The following KCNQ1 variants were observed in gnomAD, a reference collection of about 807,000 sequenced individuals.
KCNQ1 encodes the protein potassium voltage-gated channel subfamily KQT member 1.
A neutral mutation model predicts 72.4 loss-of-function variants in KCNQ1; 49 were observed. The ratio of observed to expected loss-of-function variants is 0.68; its 90% CI spans 0.54 to 0.86. KCNQ1 has a LOEUF of 0.86. Ranked by LOEUF, KCNQ1 falls within the 40% of genes least tolerant of loss-of-function variation. The probability of loss-of-function intolerance (pLI) is 0.00; values close to 1 mark genes in which losing one functional copy is unlikely to be tolerated. For missense variants in KCNQ1, 790 were observed against 945.1 expected (o/e 0.84, Z 2.15); for synonymous variants, 450 against 412.6 (o/e 1.09, Z -1.10).
Position 2,734,116 on chromosome 11 carries a change from A to G in KCNQ1, c.1515-34728A>G, listed in dbSNP as rs422314. 0.56 allele frequency among the ~76,000 whole-genome samples: 84,992 copies of G among 151,948 alleles called. 24,411 individuals are homozygous for G. The highest frequency in any genetic ancestry group is 0.69 in the African/African-American group (28,485 of 41,432). On this transcript the variant is annotated intron_variant, in intron 11 of 15. Transcript: ENST00000155840. The surrounding 1 kb of genome is among the most constrained non-coding windows in gnomAD (Gnocchi z 7.0). ...AGGCACAGTTTCAAGCTTGTCTAGC[A>G]CTGGCAGGGGTGGTCCTGCTCCGGC...
Position 2,626,177 on chromosome 11 carries a change from AG to A in KCNQ1, c.1394-35783del, listed in dbSNP as rs2133810192. The A allele has an allele frequency of 2.5e-6, 1 of 398,598 alleles. No individual in the cohort carries two copies. Among genetic ancestry groups the A allele is most frequent in the South Asian group, 1.3e-4 (1 of 7,856 alleles). 24.7% of individuals were successfully genotyped at this position (398,598 alleles called of 1,614,324 possible). A position where few individuals can be genotyped will look rare whatever the true frequency, so the allele number is the denominator to read the frequency against. On this transcript the variant is annotated intron_variant, in intron 10 of 15. Transcript: ENST00000155840. The surrounding 1 kb of genome is among the most constrained non-coding windows in gnomAD (Gnocchi z 4.0). ...AGTTTTTCCCCTATGTTTCCTTATA[AG>A]ACTTCATAGTTTTAGGACTTTGACC...
chr11:2,683,906 G>A lies in KCNQ1; in HGVS notation c.1514+21825G>A, dbSNP rs117916938. The A allele has an allele frequency of 6.1e-4, 242 of 396,916 alleles. 2 individuals are homozygous for A. The East Asian group carries it at 8.2e-3, about 14-fold the overall frequency. 24.6% of individuals were successfully genotyped at this position (396,916 alleles called of 1,614,324 possible). A position where few individuals can be genotyped will look rare whatever the true frequency, so the allele number is the denominator to read the frequency against. On this transcript the variant is annotated intron_variant, in intron 11 of 15. Coordinates refer to ENST00000155840, the MANE Select transcript of KCNQ1 (RefSeq NM_000218.3). The surrounding 1 kb of genome is among the most constrained non-coding windows in gnomAD (Gnocchi z 4.7). ...TCATAAATGCAAAAGATGGCCAAAG[G>A]TGCATGCTCTGTGACACGTTTCATA...
At chr11:2,487,694 T>C (rs759636169) in intron 1 of KCNQ1, among the ~76,000 whole-genome samples, 69 of 152,210 alleles carry the variant, frequency 4.5e-4, no homozygotes, top group Non-Finnish European at 7.1e-4. Context: ...GAAATGCAAC[T>C]GATTTTGCAT....
chr11:2,521,957 G>A (rs754990534), intron 1 of KCNQ1, among the ~76,000 whole-genome samples: 4 of 152,228 alleles, frequency 2.6e-5, no homozygotes, highest in Admixed American at 6.5e-5. Context: ...GCCCACCCAG[G>A]CCCGCTGCCT....
rs146271481 is a variant in KCNQ1 at position 2,490,572 on chromosome 11, G to A, written c.387-37356G>A. Among the ~76,000 whole-genome samples the A allele has an allele frequency of 1.6e-3, 242 of 152,344 alleles. 3 individuals are homozygous for A. The highest frequency in any genetic ancestry group is 5.7e-3 in the African/African-American group (235 of 41,582). ...TCCTCCCCAAGCTTCAGGTGGCTTA[G>A]CATAGAGAGAGAGTCCATTTCTTTG... On this transcript the variant is annotated intron_variant, in intron 1 of 15. Coordinates refer to ENST00000155840, the MANE Select transcript of KCNQ1 (RefSeq NM_000218.3).
chr11:2,845,649 G>A (rs1471606271), intron 15 of KCNQ1, among the ~76,000 whole-genome samples: 1 of 152,230 alleles, frequency 6.6e-6, no homozygotes, highest in Admixed American at 6.5e-5. Flanking sequence ...GTTCAGGACA[G>A]TTGGGTCTCA....
intron 11 of KCNQ1, among the ~76,000 whole-genome samples, chr11:2,702,083 TCCTC>T (rs1850825028): frequency 6.6e-6 from 1 of 152,222 alleles, no homozygotes. Context: ...TCCTCAGCCT[TCCTC>T]AGGAGGCCAG....
intron 10 of KCNQ1, chr11:2,628,321 T>C (rs1176671996): frequency 1.0e-5 from 4 of 398,606 alleles, no homozygotes; most frequent in East Asian, 3.6e-5. Flanking sequence ...TTTTTGATAA[T>C]AGCGATTCTA....
At chr11:2,738,659 C>T (rs1008585933) in intron 11 of KCNQ1, among the ~76,000 whole-genome samples, 6 of 152,284 alleles carry the variant, frequency 3.9e-5, no homozygotes, top group Admixed American at 2.6e-4. Flanking sequence ...GGGGCCTGTG[C>T]GGTTCCTGGG....
chr11:2,696,361 TC>T, intron 11 of KCNQ1: 1 of 398,652 alleles, frequency 2.5e-6, no homozygotes. Context: ...TTCTGAACAG[TC>T]CCCACTGATA....
intron 1 of KCNQ1, among the ~76,000 whole-genome samples, chr11:2,499,532 A>G (rs11023071): frequency 2.1e-5 from 3 of 140,882 alleles, no homozygotes; most frequent in Non-Finnish European, 4.7e-5. Context: ...CCCTGCCCCC[A>G]CAAAAAAAGA....
intron 10 of KCNQ1, chr11:2,625,893 T>A (rs768722659): frequency 2.5e-6 from 1 of 398,632 alleles, no homozygotes. Context: ...TCAGGTGCAT[T>A]GTTTTTTGGT....
chr11:2,846,814 T>C (rs1258548412), intron 15 of KCNQ1, among the ~76,000 whole-genome samples: 2 of 152,260 alleles, frequency 1.3e-5, no homozygotes, highest in Non-Finnish European at 2.9e-5. Context: ...CTCTGCTGCC[T>C]CCGCAGCACT....
In KCNQ1 at chr11:2,617,210, C is replaced by T. The variant is rs1849081999; in HGVS notation, c.1393+28356C>T. The T allele has an allele frequency of 1.0e-5, 4 of 398,186 alleles. No homozygotes were observed. Among genetic ancestry groups the T allele is most frequent in the African/African-American group, 4.1e-5 (2 of 48,578 alleles). 24.7% of individuals were successfully genotyped at this position (398,186 alleles called of 1,614,324 possible). A position where few individuals can be genotyped will look rare whatever the true frequency, so the allele number is the denominator to read the frequency against. ...ATATCTGCTACTTGGTATCCTTTGA[C>T]CTACATCTTTCCATTTTCTTCCCCC... is the stretch of plus-strand genomic sequence containing the variant. On this transcript the variant is annotated intron_variant, in intron 10 of 15. Coordinates refer to ENST00000155840, the MANE Select transcript of KCNQ1 (RefSeq NM_000218.3). This position sits in a 1 kb window ranked among gnomAD's most constrained non-coding sequence, Gnocchi z 4.6.
chr11:2,445,848 GGT>G, intron 1 of KCNQ1, among the ~76,000 whole-genome samples: 1 of 152,174 alleles, frequency 6.6e-6, no homozygotes, highest in African/African-American at 2.4e-5. Flanking sequence ...AACTCCTCAA[GGT>G]CGGCTGAGAC....
intron 2 of KCNQ1, among the ~76,000 whole-genome samples, chr11:2,560,942 C>T (rs1848155072): frequency 6.6e-6 from 1 of 151,982 alleles, no homozygotes; most frequent in Admixed American, 6.5e-5. Flanking sequence ...AACTCCCAGG[C>T]CTGTAATCCC....
intron 2 of KCNQ1, among the ~76,000 whole-genome samples, chr11:2,555,918 C>G (rs1453679482): frequency 6.6e-5 from 10 of 152,180 alleles, no homozygotes; most frequent in African/African-American, 2.4e-4. Context: ...AGCTTCAGGC[C>G]CTGAGGCCTA....
chr11:2,803,481 T>C lies in KCNQ1; in HGVS notation c.1794+25444T>C, dbSNP rs1404843953. Among the ~76,000 whole-genome samples the C allele has an allele frequency of 6.6e-6, 1 of 152,044 alleles. No individual in the cohort carries two copies. Among genetic ancestry groups the C allele is most frequent in the Non-Finnish European group, 1.5e-5 (1 of 67,972 alleles). Reference sequence around the variant, plus strand: ...CCCAGGAGCTTTAGGGGTACCCAGGTGGTGTGATGGGGAGCAGGAGCCAGT... The same window carrying C: ...CCCAGGAGCTTTAGGGGTACCCAGGCGGTGTGATGGGGAGCAGGAGCCAGT... On this transcript the variant is annotated intron_variant, in intron 15 of 15. Coordinates refer to ENST00000155840, the MANE Select transcript of KCNQ1 (RefSeq NM_000218.3). The surrounding 1 kb of genome is among the most constrained non-coding windows in gnomAD (Gnocchi z 6.4).
chr11:2,716,491 C>T (rs370447078), intron 11 of KCNQ1, among the ~76,000 whole-genome samples: 124 of 152,296 alleles, frequency 8.1e-4, no homozygotes, highest in African/African-American at 2.7e-3. Context: ...GCCTTGTCCC[C>T]AGCCTCCAGG....
Sources: allele counts gnomAD v4.1 joint callset (sites outside exome capture counted in the v4.1 genomes callset), GRCh38; gene constraint gnomAD v4.1.1; non-coding constraint Gnocchi (gnomAD v3.1); transcripts MANE v1.5; gene names NCBI Gene and HGNC (gene_info 2026-07-23, HGNC 2026-07-21).